Variants in CA10 observed in about 807,000 individuals in gnomAD.
The protein encoded by CA10 is carbonic anhydrase 10 (inactive).
A neutral mutation model predicts 44.2 loss-of-function variants in CA10; 14 were observed. The ratio of observed to expected loss-of-function variants is 0.32; its 90% CI spans 0.21 to 0.50. The LOEUF (loss-of-function observed/expected upper bound fraction) is 0.50, where lower values mean the gene tolerates loss of function less well. Ranked by LOEUF, CA10 falls within the 20% of genes least tolerant of loss-of-function variation. The probability of loss-of-function intolerance (pLI) is 0.99; values close to 1 mark genes in which losing one functional copy is unlikely to be tolerated. For missense variants in CA10, 350 were observed against 409.7 expected (o/e 0.85, Z 1.26); for synonymous variants, 159 against 141.6 (o/e 1.12, Z -0.87).
intron 3 of CA10, among the ~76,000 whole-genome samples, chr17:51,851,370 C>T (rs1041802833): frequency 1.3e-5 from 2 of 152,130 alleles, no homozygotes; most frequent in South Asian, 4.1e-4. Flanking sequence ...CAAACAGAGC[C>T]AGCCAAACCT....
chr17:52,071,891 C>T (rs1987689480), intron 2 of CA10, among the ~76,000 whole-genome samples: 1 of 152,170 alleles, frequency 6.6e-6, no homozygotes, highest in Non-Finnish European at 1.5e-5. Flanking sequence ...TCCACTTTAC[C>T]TGGTATTTTT....
At chr17:51,855,119 C>T (rs1978982597) in intron 3 of CA10, among the ~76,000 whole-genome samples, 2 of 152,128 alleles carry the variant, frequency 1.3e-5, no homozygotes, top group South Asian at 2.1e-4. Context: ...GGCTCTGTGT[C>T]TTTCTGCTTT....
At chr17:52,042,208 A>G (rs960271873) in intron 2 of CA10, among the ~76,000 whole-genome samples, 2 of 152,044 alleles carry the variant, frequency 1.3e-5, no homozygotes, top group African/African-American at 4.8e-5. Context: ...TTACATTTCC[A>G]TCAACGGTGT....
At chr17:52,151,633 ATAAT>A (rs1234240073) in intron 1 of CA10, among the ~76,000 whole-genome samples, 2 of 152,178 alleles carry the variant, frequency 1.3e-5, no homozygotes, top group Non-Finnish European at 2.9e-5. Context: ...AAATGATTAA[ATAAT>A]TAATTGGCAT....
intron 2 of CA10, among the ~76,000 whole-genome samples, chr17:51,986,056 C>G (rs894571712): frequency 3.3e-5 from 5 of 151,584 alleles, no homozygotes; most frequent in Non-Finnish European, 7.4e-5. Flanking sequence ...CAACACTAAG[C>G]AAAAAAGAAC....
At chr17:51,799,003 G>T (rs772762486) in intron 3 of CA10, among the ~76,000 whole-genome samples, 12 of 152,168 alleles carry the variant, frequency 7.9e-5, no homozygotes, top group Non-Finnish European at 1.5e-4. Flanking sequence ...AAACAGTGGG[G>T]AGTAGCTAGG....
At chr17:52,106,256 A>G (rs1466082415) in intron 1 of CA10, among the ~76,000 whole-genome samples, 2 of 152,218 alleles carry the variant, frequency 1.3e-5, no homozygotes, top group African/African-American at 4.8e-5. Flanking sequence ...CCACGGGGCC[A>G]TTCATTCCGT....
At chr17:52,157,525 A>ACCC (rs1989829600) in intron 1 of CA10, among the ~76,000 whole-genome samples, 1 of 126,062 alleles carries the variant, frequency 7.9e-6, no homozygotes, top group African/African-American at 3.3e-5. Flanking sequence ...CACAGATCCT[A>ACCC]ACCACCCCCC....
intron 3 of CA10, among the ~76,000 whole-genome samples, chr17:51,907,618 AG>A (rs1444545636): frequency 6.6e-6 from 1 of 152,050 alleles, no homozygotes; most frequent in East Asian, 1.9e-4. Flanking sequence ...AGCTGATAAG[AG>A]CCCCTGTGCA....
At chr17:52,152,171 G>C (rs1274634703) in intron 1 of CA10, among the ~76,000 whole-genome samples, 1 of 151,730 alleles carries the variant, frequency 6.6e-6, no homozygotes, top group African/African-American at 2.4e-5. Flanking sequence ...ACTATATAAA[G>C]TACAGTGCTA....
intron 2 of CA10, among the ~76,000 whole-genome samples, chr17:51,965,066 T>C (rs762951310): frequency 6.6e-6 from 1 of 151,890 alleles, no homozygotes; most frequent in Non-Finnish European, 1.5e-5. Flanking sequence ...AAAAGTGACA[T>C]TATAACCAAT....
intron 4 of CA10, among the ~76,000 whole-genome samples, chr17:51,655,584 T>C (rs1913763520): frequency 6.6e-6 from 1 of 152,232 alleles, no homozygotes; most frequent in East Asian, 1.9e-4. Flanking sequence ...AAAGCCCACC[T>C]GTGCCTGTCT....
intron 4 of CA10, among the ~76,000 whole-genome samples, chr17:51,720,705 C>T (rs1323074684): frequency 2.0e-5 from 3 of 152,118 alleles, no homozygotes; most frequent in Non-Finnish European, 2.9e-5. Context: ...TATGTACAAT[C>T]TAAAAAGTCA....
Position 52,072,409 on chromosome 17 carries a change from A to G in CA10, c.62-16T>C, listed in dbSNP as rs763374010. On this transcript the variant is annotated splice_polypyrimidine_tract_variant and intron_variant, in intron 1 of 8. Transcript: ENST00000451037. ...TTCTGTTGAGCTAAAGGAAAAGCAA[A>G]GAAGAGAGATTAAGATGATAGCAGA... is the stretch of plus-strand genomic sequence containing the variant. 7.9e-5 allele frequency: 126 copies of G among 1,594,018 alleles called. 1 individual carries two copies. The South Asian group carries it at 1.0e-3, about 13-fold the overall frequency.
At chr17:51,763,927 C>T (rs1317956370) in intron 3 of CA10, among the ~76,000 whole-genome samples, 1 of 151,806 alleles carries the variant, frequency 6.6e-6, no homozygotes, top group Non-Finnish European at 1.5e-5. Context: ...CCTCTCTGTC[C>T]CCCAGACATG....
intron 3 of CA10, among the ~76,000 whole-genome samples, chr17:51,918,863 A>G (rs1055646233): frequency 6.6e-6 from 1 of 152,242 alleles, no homozygotes; most frequent in Admixed American, 6.5e-5. Context: ...AACGTTAAGA[A>G]TATGAGATAC....
intron 2 of CA10, among the ~76,000 whole-genome samples, chr17:51,989,186 G>A (rs921580320): frequency 6.0e-5 from 9 of 149,626 alleles, no homozygotes; most frequent in African/African-American, 2.0e-4. Flanking sequence ...TAAGTTCAGC[G>A]GTACAAGTAC....
intron 2 of CA10, among the ~76,000 whole-genome samples, chr17:51,985,347 G>T (rs1351595920): frequency 6.6e-6 from 1 of 151,840 alleles, no homozygotes; most frequent in African/African-American, 2.4e-5. Flanking sequence ...AACAAAATTG[G>T]CATGCAAGGG....
At chr17:52,158,895 G>A (rs7214398), upstream of CA10, among the ~76,000 whole-genome samples, 24,520 of 152,114 alleles carry the variant, frequency 0.16, 2,169 homozygotes, top group African/African-American at 0.23. Context: ...GCGGAGGCAG[G>A]AGGCCCGGGC....
Sources: gnomAD v4.1 joint callset for allele counts (sites outside exome capture counted in the v4.1 genomes callset) on GRCh38, gnomAD v4.1.1 for gene constraint, MANE v1.5 for transcripts, NCBI Gene and HGNC (gene_info 2026-07-23, HGNC 2026-07-21) for gene names.